Variants in FGF13 observed in about 807,000 individuals in gnomAD.
FGF13 encodes the protein fibroblast growth factor homologous factor 2.
In FGF13, 2 loss-of-function variants were observed where a neutral mutation model predicts 19.5. The ratio of observed to expected loss-of-function variants is 0.10; its 90% CI spans 0.04 to 0.32. The LOEUF is 0.32. FGF13 is among the 10% of genes least tolerant of loss of function. FGF13 has a pLI of 1.00. For missense variants in FGF13, 113 were observed against 192.7 expected, an observed-to-expected ratio of 0.59 and a Z score of 2.45; for synonymous variants, 72 against 76.9, an observed-to-expected ratio of 0.94 and a Z score of 0.33.
chrX:138,671,036 A>G (rs1168939651), intron 3 of FGF13, among the ~76,000 whole-genome samples: 1 of 82,570 alleles, frequency 1.2e-5, no homozygotes, highest in Non-Finnish European at 2.2e-5. Flanking sequence ...CACCATCGCC[A>G]CCACCACCAC....
At chrX:138,717,548 A>T (rs1241196235) in intron 1 of FGF13, among the ~76,000 whole-genome samples, 1 of 110,789 alleles carries the variant, frequency 9.0e-6, no homozygotes, top group Non-Finnish European at 1.9e-5. Context: ...CAGTAACACC[A>T]TTATGAGAAG....
chrX:139,085,600 A>T (rs1343410053), intron 1 of FGF13, among the ~76,000 whole-genome samples: 2 of 112,119 alleles, frequency 1.8e-5, no homozygotes, highest in Non-Finnish European at 3.8e-5. Context: ...ATATTGCATC[A>T]TTATCATCAT....
intron 1 of FGF13, among the ~76,000 whole-genome samples, chrX:138,903,635 C>T (rs1414425440): frequency 8.9e-6 from 1 of 111,763 alleles, no homozygotes; most frequent in Non-Finnish European, 1.9e-5. Flanking sequence ...ATCTTGCTTT[C>T]CACTTATCCA....
intron 3 of FGF13, among the ~76,000 whole-genome samples, chrX:138,813,338 C>G (rs201033039): frequency 1.3e-4 from 15 of 111,357 alleles, no homozygotes; most frequent in Non-Finnish European, 1.9e-5. Flanking sequence ...ATTACTGCAC[C>G]AACAGCTTCC....
At chrX:139,155,731 C>T (rs17002014) in intron 1 of FGF13, among the ~76,000 whole-genome samples, 12,223 of 111,668 alleles carry the variant, frequency 0.11, 1,069 homozygotes, top group African/African-American at 0.3. Flanking sequence ...CCTGGAGATG[C>T]AGATGCCTAG....
intron 3 of FGF13, among the ~76,000 whole-genome samples, chrX:138,812,387 T>C (rs1224343807): frequency 3.6e-5 from 4 of 111,982 alleles, no homozygotes; most frequent in Admixed American, 1.9e-4. Context: ...TGTGTGGACA[T>C]GTTTTCATTT....
chrX:139,075,998 G>A (rs1240306020), intron 1 of FGF13, among the ~76,000 whole-genome samples: 1 of 13,520 alleles, frequency 7.4e-5, no homozygotes, highest in Non-Finnish European at 1.3e-4. Flanking sequence ...GCCCGCCACC[G>A]CGCCCGGCTA....
intron 1 of FGF13, among the ~76,000 whole-genome samples, chrX:139,179,371 T>C (rs1449180262): frequency 9.0e-6 from 1 of 110,927 alleles, no homozygotes; most frequent in Admixed American, 9.6e-5. Context: ...GCCTCTCTTT[T>C]CGCAAAAAAT....
At chrX:138,931,475 T>C (rs1456257490) in intron 1 of FGF13, among the ~76,000 whole-genome samples, 1 of 111,934 alleles carries the variant, frequency 8.9e-6, no homozygotes, top group Non-Finnish European at 1.9e-5. Flanking sequence ...AGCAGAATCC[T>C]TTTGTCAAGA....
intron 1 of FGF13, among the ~76,000 whole-genome samples, chrX:138,944,632 T>C (rs909976602): frequency 9.0e-6 from 1 of 111,159 alleles, no homozygotes; most frequent in Non-Finnish European, 1.9e-5. Context: ...ATGAAAACTT[T>C]TGGAATCACT....
chrX:138,947,903 T>C (rs1569428211), intron 1 of FGF13, among the ~76,000 whole-genome samples: 2 of 110,745 alleles, frequency 1.8e-5, no homozygotes, highest in African/African-American at 6.6e-5. Flanking sequence ...AAGAAGAAAT[T>C]TGGAAACAGA....
chrX:138,710,723 C>G (rs1387926495), intron 1 of FGF13, 94 bp downstream of exon 1: 4 of 1,146,933 alleles, frequency 3.5e-6, no homozygotes, highest in Non-Finnish European at 3.5e-6. Context: ...CAAGATGGGC[C>G]ACCAACAAAC....
chrX:138,926,080 T>C (rs766251830), intron 1 of FGF13, among the ~76,000 whole-genome samples: 2 of 111,796 alleles, frequency 1.8e-5, no homozygotes, highest in South Asian at 7.6e-4. Flanking sequence ...CCTATCTCTC[T>C]TGTTGATCTC....
At chrX:139,080,652 A>G (rs933659050) in intron 1 of FGF13, among the ~76,000 whole-genome samples, 7 of 111,784 alleles carry the variant, frequency 6.3e-5, no homozygotes, top group Admixed American at 1.9e-4. Context: ...ATTTAAACTG[A>G]AGGCCTCATA....
intron 1 of FGF13, among the ~76,000 whole-genome samples, chrX:139,170,526 C>T (rs1051875809): frequency 1.8e-5 from 2 of 111,748 alleles, no homozygotes; most frequent in Admixed American, 1.9e-4. Context: ...ACCACTGGGA[C>T]TTTGCAGGTG....
At position 138,800,540 on chromosome X, in the gene FGF13, C is replaced by G. The variant is rs889736914; in HGVS notation, c.217+56972G>C. On this transcript the variant is annotated intron_variant, in intron 3 of 6. Coordinates refer to the FGF13 transcript ENST00000436198. ...TTTGCTTTGACCTTGGAGAAACGGA[C>G]GATTATGTGTCTTGGGGTTGCTCTT... 2.7e-5 allele frequency among the ~76,000 whole-genome samples: 3 copies of G among 111,014 alleles called. No individual in the cohort carries two copies. In the Admixed American group the frequency reaches 2.9e-4, roughly 11 times the overall value.
chrX:138,682,707 TAATCATAGGTCAAATTAA>T (rs1281070448), intron 3 of FGF13, among the ~76,000 whole-genome samples: 2 of 111,960 alleles, frequency 1.8e-5, no homozygotes, highest in Non-Finnish European at 3.8e-5. Flanking sequence ...ACAAGACATG[TAATCATAGGTCAAATTAA>T]AATAATTTTA....
chrX:138,927,366 T>C (rs1186197398), intron 1 of FGF13, among the ~76,000 whole-genome samples: 1 of 111,941 alleles, frequency 8.9e-6, no homozygotes, highest in African/African-American at 3.2e-5. Context: ...GGTTTTTACA[T>C]TGAAACAATC....
rs2084271477 is a variant in FGF13, at chrX:139,184,997, T to C, written c.-113+18419A>G. Among the ~76,000 whole-genome samples the C allele has an allele frequency of 5.4e-5, 6 of 111,815 alleles. No individual in the cohort carries two copies. The South Asian group carries it at 2.3e-3, about 42-fold the overall frequency. On this transcript the variant is annotated intron_variant, in intron 1 of 2. Coordinates refer to the FGF13 transcript ENST00000421460. ...TTAGCCTCACATGTAAACGATTTAG[T>C]TCTAGTTCACATACAGATGAAACCA...
Sources: gnomAD v4.1 joint callset for allele counts (sites outside exome capture counted in the v4.1 genomes callset) on GRCh38, gnomAD v4.1.1 for gene constraint, MANE v1.5 for transcripts, NCBI Gene and HGNC (gene_info 2026-07-23, HGNC 2026-07-21) for gene names.